The following HK1 variants were observed in gnomAD, a reference collection of about 807,000 sequenced individuals.
HK1 encodes the protein hexokinase-1.
In HK1, 28 loss-of-function variants were observed where a neutral mutation model predicts 91.6. The observed-to-expected ratio is 0.31, with a 90% CI of 0.23 to 0.42. The LOEUF (loss-of-function observed/expected upper bound fraction) is 0.42. Among genes scored for constraint, HK1 ranks in the 10% least tolerant of loss-of-function variants. The pLI is 1.00. For missense variants in HK1, 770 were observed against 1,219.8 expected, an observed-to-expected ratio of 0.63 and a Z score of 5.49; for synonymous variants, 430 against 468.1, an observed-to-expected ratio of 0.92 and a Z score of 1.05.
chr10:69,379,939 C>G lies in HK1; in HGVS notation c.1109C>G (p.Ser370Ter). 1 of 1,614,232 alleles carries G rather than the reference C, an allele frequency of 6.2e-7. No homozygotes were observed. Among genetic ancestry groups the G allele is most frequent in the Non-Finnish European group, 8.5e-7 (1 of 1,180,030 alleles). The change falls in exon 9 of 18, where the codon TCA (serine) becomes TGA (stop). Residue 370 changes from serine to a stop codon, truncating the protein, a stop_gained. Transcript: ENST00000359426. LOFTEE classifies it high-confidence loss of function. Reference sequence around the variant, plus strand: ...GAGCCGTCCGATGATGACTGTGTCTCAGTCCAGCACGTTTGCACCATTGTC... The same window carrying G: ...GAGCCGTCCGATGATGACTGTGTCTGAGTCCAGCACGTTTGCACCATTGTC... The part of the protein sequence containing the change: ...GVEPSDDDCV[S>*]VQHVCTIVSF...
intron 3 of HK1, among the ~76,000 whole-genome samples, chr10:69,363,362 A>C (rs935070286): frequency 6.6e-6 from 1 of 152,240 alleles, no homozygotes; most frequent in Non-Finnish European, 1.5e-5. Flanking sequence ...GTTAGAACAC[A>C]CATAGAATAT....
intron 1 of HK1, among the ~76,000 whole-genome samples, chr10:69,281,943 C>T (rs1319574292): frequency 6.6e-6 from 1 of 152,166 alleles, no homozygotes. Flanking sequence ...GGCATTTCAT[C>T]TCTCCACGCA....
intron 1 of HK1, among the ~76,000 whole-genome samples, chr10:69,341,259 T>C (rs1371231710): frequency 1.3e-5 from 2 of 151,680 alleles, no homozygotes; most frequent in Non-Finnish European, 2.9e-5. Context: ...CTTCCCCAGC[T>C]CAGGCAATCC....
chr10:69,358,827 C>T (rs1849266715), intron 2 of HK1, among the ~76,000 whole-genome samples: 1 of 146,708 alleles, frequency 6.8e-6, no homozygotes, highest in Non-Finnish European at 1.5e-5. Flanking sequence ...TATGCCTCTG[C>T]ATTCCAGCCT....
At chr10:69,311,180 A>G (rs182569143), upstream of HK1, among the ~76,000 whole-genome samples, 406 of 152,286 alleles carry the variant, frequency 2.7e-3, 1 homozygote, top group African/African-American at 9.3e-3. Context: ...AGTCTGTTCT[A>G]TTCTATCAGT....
chr10:69,282,001 G>A (rs965929836), intron 1 of HK1, among the ~76,000 whole-genome samples: 1 of 152,036 alleles, frequency 6.6e-6, no homozygotes, highest in Non-Finnish European at 1.5e-5. Context: ...CTACTTACCC[G>A]CTCTAAGCCT....
chr10:69,332,365 CTTTCTTTCTTTCTTTCTTTT>C (rs987665219), intron 1 of HK1, among the ~76,000 whole-genome samples: 4 of 150,268 alleles, frequency 2.7e-5, no homozygotes, highest in African/African-American at 7.4e-5. Context: ...CATTTTCTTT[CTTTCTTTCTTTCTTTCTTTT>C]TTTCTTTTTT....
At chr10:69,297,347 G>C (rs1845616506) in intron 4 of HK1, among the ~76,000 whole-genome samples, 1 of 152,130 alleles carries the variant, frequency 6.6e-6, no homozygotes, top group Non-Finnish European at 1.5e-5. Flanking sequence ...GTAGAGGAGG[G>C]CTTAGTCTTG....
chr10:69,289,011 C>T (rs1211182425), intron 3 of HK1, among the ~76,000 whole-genome samples: 1 of 152,128 alleles, frequency 6.6e-6, no homozygotes, highest in African/African-American at 2.4e-5. Flanking sequence ...GTCTCAAACT[C>T]CTGACCTCAG....
intron 7 of HK1, 116 bp from the exon 8 acceptor site, chr10:69,376,818 G>C (rs948983656): frequency 1.4e-5 from 19 of 1,314,472 alleles, no homozygotes; most frequent in Non-Finnish European, 1.9e-5. Context: ...CTGCCAGCGA[G>C]GCTGGGGGCT....
chr10:69,393,134 AC>A (rs1839979206), intron 15 of HK1, among the ~76,000 whole-genome samples: 1 of 151,930 alleles, frequency 6.6e-6, no homozygotes, highest in East Asian at 1.9e-4. Flanking sequence ...GGCATACACA[AC>A]CATGCCCAGC....
chr10:69,286,864 G>A (rs1323554981), intron 2 of HK1, among the ~76,000 whole-genome samples: 1 of 152,104 alleles, frequency 6.6e-6, no homozygotes, highest in African/African-American at 2.4e-5. Context: ...CTCATGCTTT[G>A]CTTTGAACTA....
intron 1 of HK1, among the ~76,000 whole-genome samples, chr10:69,281,201 T>C (rs148812949): frequency 0.012 from 1,895 of 152,228 alleles, 16 homozygotes; most frequent in Non-Finnish European, 0.02. Flanking sequence ...AAAACACAGA[T>C]TCATGGTTCC....
chr10:69,384,551 C>G, intron 11 of HK1, 70 bp downstream of exon 11: 2 of 1,589,316 alleles, frequency 1.3e-6, no homozygotes, highest in Non-Finnish European at 1.7e-6. Flanking sequence ...CACGTGATGA[C>G]CAAAATCCGC....
chr10:69,325,151 T>A (rs1165899812), intron 1 of HK1, among the ~76,000 whole-genome samples: 2 of 146,228 alleles, frequency 1.4e-5, no homozygotes, highest in East Asian at 2.1e-4. Flanking sequence ...TCCTGGGTTC[T>A]CGCCATTCTC....
At chr10:69,300,138 C>T (rs975602219) in intron 4 of HK1, among the ~76,000 whole-genome samples, 4 of 151,580 alleles carry the variant, frequency 2.6e-5, no homozygotes, top group South Asian at 4.1e-4. Flanking sequence ...CCTATGTAAC[C>T]GTTGCCCAGT....
At chr10:69,382,968 G>GATAT (rs1839468503) in intron 10 of HK1, among the ~76,000 whole-genome samples, 177 bp downstream of exon 10, 4 of 152,180 alleles carry the variant, frequency 2.6e-5, no homozygotes, top group Non-Finnish European at 5.9e-5. Context: ...TGTCATGTGT[G>GATAT]TGACTCAGGG....
In HK1 at chr10:69,384,355, G is replaced by T; in HGVS notation, c.1593G>T (p.Leu531=). The change falls in exon 11 of 18, where the codon CTG becomes CTT. Residue 531 remains leucine (L), a synonymous_variant. Transcript: ENST00000359426. ...CAGAGAATGGTGACTTCTTGGCCCT[G>T]GATCTTGGAGGAACCAATTTCCGTG... ...DGTENGDFLA[L]DLGGTNFRVL... The T allele has an allele frequency of 6.2e-7, 1 of 1,614,228 alleles. No individual in the cohort carries two copies. The highest frequency in any genetic ancestry group is 8.5e-7 in the Non-Finnish European group (1 of 1,180,046).
chr10:69,386,845 C>G (rs1839659207), intron 13 of HK1: 2 of 153,594 alleles, frequency 1.3e-5, no homozygotes, highest in African/African-American at 4.8e-5. Context: ...AGTATGTGAC[C>G]TGGCCAAGAA....
Sources: allele counts gnomAD v4.1 joint callset (sites outside exome capture counted in the v4.1 genomes callset), GRCh38; gene constraint gnomAD v4.1.1; transcripts MANE v1.5; gene names NCBI Gene and HGNC (gene_info 2026-07-23, HGNC 2026-07-21).